WWOX: variants seen among roughly 807,000 people sequenced by gnomAD.
WWOX encodes WW domain-containing oxidoreductase.
In WWOX, 69 loss-of-function variants were observed where a neutral mutation model predicts 46.2. The observed-to-expected ratio is 1.49, with a 90% confidence interval of 1.23 to 1.82. The LOEUF is 1.82. Ranked by LOEUF, WWOX falls within the 40% of genes most tolerant of loss-of-function variation. WWOX has a pLI of 0.00. For missense variants in WWOX, 919 were observed against 542.6 expected (o/e 1.69, Z -6.89); for synonymous variants, 359 against 202.6 (o/e 1.77, Z -6.56).
At chr16:79,002,079 G>A (rs1319382156) in intron 8 of WWOX, among the ~76,000 whole-genome samples, 1 of 152,090 alleles carries the variant, frequency 6.6e-6, no homozygotes, top group African/African-American at 2.4e-5. Flanking sequence ...ATAATCTGGG[G>A]ATGAAAACAG....
intron 8 of WWOX, among the ~76,000 whole-genome samples, chr16:78,697,372 T>C (rs114073356): frequency 0.057 from 8,615 of 152,222 alleles, 458 homozygotes; most frequent in African/African-American, 0.15. Flanking sequence ...AGGAGTAAGA[T>C]GGTATCGCAA....
chr16:78,469,010 G>C (rs1016470526), intron 8 of WWOX, among the ~76,000 whole-genome samples: 11 of 152,170 alleles, frequency 7.2e-5, no homozygotes, highest in African/African-American at 2.7e-4. Context: ...TCTTTCTTGA[G>C]TCTCTCAAAA....
intron 7 of WWOX, among the ~76,000 whole-genome samples, chr16:78,430,039 G>A (rs185546186): frequency 6.6e-6 from 1 of 152,116 alleles, no homozygotes; most frequent in Non-Finnish European, 1.5e-5. Flanking sequence ...ACCCGAGACC[G>A]GGTAATTTAT....
At chr16:78,827,093 C>A (rs188894278) in intron 8 of WWOX, among the ~76,000 whole-genome samples, 14 of 152,254 alleles carry the variant, frequency 9.2e-5, no homozygotes, top group African/African-American at 3.1e-4. Flanking sequence ...GGTCACAAAC[C>A]TGCTCTCCTC....
At chr16:79,067,630 TGGGGGGCGGG>T (rs2048466501) in intron 8 of WWOX, among the ~76,000 whole-genome samples, 1 of 25,072 alleles carries the variant, frequency 4.0e-5, no homozygotes, top group Non-Finnish European at 8.3e-5. Context: ...GTGGGTGGGG[TGGGGGGCGGG>T]GGGGGGCACT....
chr16:79,059,643 T>A (rs1490776377), intron 8 of WWOX, among the ~76,000 whole-genome samples: 1 of 152,164 alleles, frequency 6.6e-6, no homozygotes, highest in Non-Finnish European at 1.5e-5. Context: ...TATAGGCGCA[T>A]GCCACCATGC....
chr16:79,173,888 T>C (rs944267687), intron 8 of WWOX, among the ~76,000 whole-genome samples: 2 of 152,226 alleles, frequency 1.3e-5, no homozygotes, highest in Non-Finnish European at 2.9e-5. Flanking sequence ...GTGGGTGATA[T>C]ATTATCTACA....
At chr16:78,753,931 G>C (rs1436492698) in intron 8 of WWOX, among the ~76,000 whole-genome samples, 1 of 144,556 alleles carries the variant, frequency 6.9e-6, no homozygotes, top group African/African-American at 2.5e-5. Context: ...TGACTTTTAA[G>C]TGGCAGAAAC....
Position 78,483,616 on chromosome 16 carries a change from A to G in WWOX, c.1056+50864A>G, listed in dbSNP as rs71396186. 2.9e-4 allele frequency among the ~76,000 whole-genome samples: 44 copies of G among 152,016 alleles called. 1 individual carries two copies. Among genetic ancestry groups the G allele is most frequent in the Non-Finnish European group, 4.9e-4 (33 of 67,970 alleles). On this transcript the variant is annotated intron_variant, in intron 8 of 8. Transcript: ENST00000566780. ...GATTAACCTTTGACCCCCTTCACATACTTATACTGTGGGCTGCATCGCTTA... is the reference window on the plus strand; with the variant it reads ...GATTAACCTTTGACCCCCTTCACATGCTTATACTGTGGGCTGCATCGCTTA...
At chr16:78,825,586 G>A (rs2051630150) in intron 8 of WWOX, 1 of 535,228 alleles carries the variant, frequency 1.9e-6, no homozygotes, top group African/African-American at 1.9e-5. Context: ...CCCAGGTCGA[G>A]TCTGCAGTAC....
intron 8 of WWOX, among the ~76,000 whole-genome samples, chr16:78,978,747 A>G (rs1410679527): frequency 6.6e-6 from 1 of 152,186 alleles, no homozygotes; most frequent in Non-Finnish European, 1.5e-5. Context: ...ACCGAATCGC[A>G]TGAGAACTCT....
intron 8 of WWOX, among the ~76,000 whole-genome samples, chr16:79,045,910 T>C (rs2048057630): frequency 7.0e-6 from 1 of 142,756 alleles, no homozygotes; most frequent in South Asian, 2.4e-4. Context: ...CAAGTGATTC[T>C]CCTGCCTCAG....
chr16:78,662,558 G>T (rs1407252228), intron 8 of WWOX, among the ~76,000 whole-genome samples: 1 of 152,100 alleles, frequency 6.6e-6, no homozygotes, highest in Non-Finnish European at 1.5e-5. Context: ...GGATGAGGAA[G>T]GCAATGTGAG....
At chr16:78,477,372 C>T in intron 8 of WWOX, among the ~76,000 whole-genome samples, 1 of 151,148 alleles carries the variant, frequency 6.6e-6, no homozygotes, top group African/African-American at 2.4e-5. Flanking sequence ...TGTGGTTCTA[C>T]TTTTTTTTTA....
chr16:78,995,159 A>C (rs550990262), intron 8 of WWOX, among the ~76,000 whole-genome samples: 9 of 152,094 alleles, frequency 5.9e-5, no homozygotes, highest in African/African-American at 2.2e-4. Flanking sequence ...CTGGCTGGGA[A>C]GTAGCAAAAG....
intron 5 of WWOX, chr16:78,168,006 C>T (rs927554084): frequency 3.9e-5 from 6 of 152,154 alleles, no homozygotes; most frequent in Non-Finnish European, 5.9e-5. Flanking sequence ...ATGTTACCTA[C>T]GATGAATCAC....
rs2738505 is a variant in WWOX, at chr16:78,549,276, G to C, written c.1056+116524G>C. ...GAATAGATTCATTCTTCACGTCTCA[G>C]ATATATAAAGCTTATTTCAAAATAA... On this transcript the variant is annotated intron_variant, in intron 8 of 8. Coordinates refer to ENST00000566780, the MANE Select transcript of WWOX (RefSeq NM_016373.4). Among the ~76,000 whole-genome samples the C allele has an allele frequency of 2.0e-5, 3 of 152,184 alleles. 1 individual carries two copies. Among genetic ancestry groups the C allele is most frequent in the Middle Eastern group, 6.3e-3 (2 of 316 alleles).
At chr16:79,162,245 G>GT (rs1310500128) in intron 8 of WWOX, among the ~76,000 whole-genome samples, 4 of 152,208 alleles carry the variant, frequency 2.6e-5, no homozygotes, top group African/African-American at 9.7e-5. Context: ...CATTCTTTCA[G>GT]TAAGTCATCA....
chr16:78,289,633 G>A (rs9941255), intron 5 of WWOX, among the ~76,000 whole-genome samples: 39,542 of 151,992 alleles, frequency 0.26, 5,823 homozygotes, highest in East Asian at 0.38. Context: ...CCTCATGAAC[G>A]AAGGGAAGAA....
Sources: gnomAD v4.1 joint callset for allele counts (sites outside exome capture counted in the v4.1 genomes callset) on GRCh38, gnomAD v4.1.1 for gene constraint, MANE v1.5 for transcripts, NCBI Gene and HGNC (gene_info 2026-07-23, HGNC 2026-07-21) for gene names.